GPR161: variants seen among roughly 807,000 people sequenced by gnomAD.
GPR161 encodes G-protein coupled receptor RE2.
A neutral mutation model predicts 39.2 loss-of-function variants in GPR161; 25 were observed. That is an observed-to-expected ratio of 0.64 (90% CI 0.47 to 0.89). GPR161 has a LOEUF of 0.89. Ranked by LOEUF, GPR161 falls within the 40% of genes least tolerant of loss-of-function variation. GPR161 has a pLI of 0.00. For missense variants in GPR161, 547 were observed against 677.8 expected, an observed-to-expected ratio of 0.81 and a Z score of 2.14; for synonymous variants, 286 against 276.6, an observed-to-expected ratio of 1.03 and a Z score of -0.34.
At position 168,085,223 on chromosome 1, in the gene GPR161, C is replaced by A; in HGVS notation, c.*308G>T. 1 of 460,736 alleles carries A rather than the reference C, an allele frequency of 2.2e-6. No homozygotes were observed. The highest frequency in any genetic ancestry group is 4.0e-6 in the Non-Finnish European group (1 of 249,014). 28.5% of individuals were successfully genotyped at this position (460,736 alleles called of 1,614,324 possible). On this transcript the variant is annotated 3_prime_UTR_variant, in exon 6 of 6. Transcript: ENST00000682931. Reference sequence around the variant, plus strand: ...CCTTCGTCTCTGGTCCTCCCATGCCCCACCTCCCAAAAAGCCACAGCCACA... The same window carrying A: ...CCTTCGTCTCTGGTCCTCCCATGCCACACCTCCCAAAAAGCCACAGCCACA...
intron 4 of GPR161, chr1:168,088,572 G>A (rs1381353312): frequency 6.6e-6 from 1 of 152,224 alleles, no homozygotes; most frequent in East Asian, 1.9e-4. Flanking sequence ...AGGATCACTG[G>A]CAGGTTATTT....
chr1:168,085,809 G>A lies in GPR161; in HGVS notation c.1325-13C>T, dbSNP rs1282516344. 6.2e-7 allele frequency: 1 copy of A among 1,601,746 alleles called. No individual in the cohort carries two copies. Among genetic ancestry groups the A allele is most frequent in the Non-Finnish European group, 8.5e-7 (1 of 1,171,520 alleles). On this transcript the variant is annotated splice_polypyrimidine_tract_variant and intron_variant, in intron 5 of 5. Coordinates refer to ENST00000682931, the MANE Select transcript of GPR161 (RefSeq NM_001375883.1). Reference sequence around the variant, plus strand: ...TTCTTGGCAGCTTCTGAGGGAGAAGGCAGAAAAAAAAGTCAGCTGAGGAGC... The same window carrying A: ...TTCTTGGCAGCTTCTGAGGGAGAAGACAGAAAAAAAAGTCAGCTGAGGAGC...
intron 4 of GPR161, 111 bp downstream of exon 4, chr1:168,090,453 G>A (rs1694945207): frequency 1.7e-6 from 1 of 583,412 alleles, no homozygotes; most frequent in Admixed American, 3.1e-5. Flanking sequence ...ACCCACCGTG[G>A]GAAATGCCCC....
intron 3 of GPR161, among the ~76,000 whole-genome samples, chr1:168,094,255 C>G (rs1695327559): frequency 6.6e-6 from 1 of 151,980 alleles, no homozygotes; most frequent in Non-Finnish European, 1.5e-5. Context: ...ATTTTAACTT[C>G]ATTGATCTAG....
rs796208020 is a variant in GPR161, at chr1:168,123,579, C to CACACACAT, written c.-45+13159_-45+13160insATGTGTGT. Among the ~76,000 whole-genome samples the CACACACAT allele has an allele frequency of 2.0e-3, 296 of 147,864 alleles. 1 individual carries two copies. The highest frequency in any genetic ancestry group is 3.5e-3 in the Middle Eastern group (1 of 286). ...ACACACACACACACACACACACACA[C>CACACACAT]TTGTTTGCATGGAAGCTGGAGTGGC... On this transcript the variant is annotated intron_variant, in intron 1 of 5. Coordinates refer to ENST00000682931, the MANE Select transcript of GPR161 (RefSeq NM_001375883.1).
In GPR161 at chr1:168,104,869, TG is replaced by T; in HGVS notation, c.-20del. On this transcript the variant is annotated 5_prime_UTR_variant, in exon 2 of 6. An upstream open reading frame in the 5' UTR loses its in-frame stop. Transcript: ENST00000682931. ...GGCTCATGGTCAGTGCACCTCGGCG[TG>T]GGGTGGGCAGAGCATGCTGGACGAC... 6.2e-7 allele frequency: 1 copy of T among 1,610,508 alleles called. No homozygotes were observed. The highest frequency in any genetic ancestry group is 8.5e-7 in the Non-Finnish European group (1 of 1,177,344).
At chr1:168,096,151 AAAAAAAAAAG>A (rs1436481051) in intron 3 of GPR161, among the ~76,000 whole-genome samples, 22 of 150,020 alleles carry the variant, frequency 1.5e-4, no homozygotes, top group African/African-American at 5.4e-4. Context: ...AAAAAAAAAA[AAAAAAAAAAG>A]AGAGAGAGAA....
chr1:168,090,788 A>C, intron 3 of GPR161, 120 bp from the exon 4 acceptor site: 2 of 532,766 alleles, frequency 3.8e-6, no homozygotes, highest in South Asian at 2.6e-5. Flanking sequence ...CTCACTCTCA[A>C]CTCCCTGAAA....
intron 5 of GPR161, among the ~76,000 whole-genome samples, chr1:168,087,334 G>GGTGT (rs142900649): frequency 0.011 from 1,692 of 148,762 alleles, 30 homozygotes; most frequent in African/African-American, 0.037. Context: ...AACACGTGTG[G>GGTGT]GTGTGTGTGT....
intron 1 of GPR161, chr1:168,136,264 T>C: frequency 7.1e-7 from 1 of 1,417,194 alleles, no homozygotes; most frequent in Non-Finnish European, 9.2e-7. Context: ...CACCTGGTCC[T>C]CACGGATTCC....
intron 1 of GPR161, among the ~76,000 whole-genome samples, chr1:168,120,022 T>TA (rs1698036236): frequency 6.6e-6 from 1 of 152,188 alleles, no homozygotes; most frequent in South Asian, 2.1e-4. Context: ...CCCCACACGC[T>TA]AGGGGCACTG....
At chr1:168,089,826 C>T (rs1694882396) in intron 4 of GPR161, among the ~76,000 whole-genome samples, 1 of 152,226 alleles carries the variant, frequency 6.6e-6, no homozygotes, top group South Asian at 2.1e-4. Flanking sequence ...TGCAGCTCCC[C>T]ACCTCCCCGG....
chr1:168,136,813 C>G lies in GPR161; in HGVS notation c.-119G>C. On this transcript the variant is annotated 5_prime_UTR_variant, in exon 1 of 6. Coordinates refer to ENST00000682931, the MANE Select transcript of GPR161 (RefSeq NM_001375883.1). Reference sequence around the variant, plus strand: ...GCCTCGGCCACCGCCGCCGCCGCTTCCTTCCTCCCCGCCGCGCTCCGGGAC... The same window carrying G: ...GCCTCGGCCACCGCCGCCGCCGCTTGCTTCCTCCCCGCCGCGCTCCGGGAC... The G allele has an allele frequency of 1.0e-6, 1 of 985,354 alleles. No homozygotes were observed. Among genetic ancestry groups the G allele is most frequent in the Non-Finnish European group, 1.2e-6 (1 of 830,188 alleles). 61.0% of individuals were successfully genotyped at this position (985,354 alleles called of 1,614,324 possible).
intron 1 of GPR161, among the ~76,000 whole-genome samples, chr1:168,131,485 G>T (rs896641507): frequency 8.7e-5 from 13 of 150,198 alleles, no homozygotes; most frequent in African/African-American, 2.5e-4. Context: ...TTAAGACTTG[G>T]TTAAAAAAAG....
intron 1 of GPR161, among the ~76,000 whole-genome samples, chr1:168,127,704 A>T (rs1283429326): frequency 6.6e-6 from 1 of 152,016 alleles, no homozygotes; most frequent in Non-Finnish European, 1.5e-5. Context: ...ATCTCATGAG[A>T]CTCATGCACT....
intron 1 of GPR161, chr1:168,118,515 T>G (rs1489351717): frequency 6.6e-6 from 1 of 152,186 alleles, no homozygotes; most frequent in Non-Finnish European, 1.5e-5. Flanking sequence ...ACAATGTACG[T>G]TACTCCAGTG....
rs1007979269 is a variant in GPR161, at chr1:168,080,466, G to T, written c.*5065C>A. On this transcript the variant is annotated 3_prime_UTR_variant, in exon 6 of 6. Coordinates refer to ENST00000682931, the MANE Select transcript of GPR161 (RefSeq NM_001375883.1). The stretch of plus-strand genomic sequence containing the variant: ...CAGTATGGCTCTGCTCCTTCTTATA[G>T]GCATATATGGCTAATCACAGCCATT... The T allele has an allele frequency of 4.6e-5, 7 of 152,196 alleles. No individual in the cohort carries two copies. Among genetic ancestry groups the T allele is most frequent in the African/African-American group, 1.7e-4 (7 of 41,430 alleles). 9.4% of individuals were successfully genotyped at this position (152,196 alleles called of 1,614,324 possible).
Position 168,090,746 on chromosome 1 carries a change from C to G in GPR161, c.1100-78G>C, listed in dbSNP as rs146869150. The stretch of plus-strand genomic sequence containing the variant: ...CCCAGCCTCCGTTTCCCCACAGACC[C>G]ATCTCCTGCCCTTCTGTTCGCCCTT... On this transcript the variant is annotated intron_variant, in intron 3 of 5. Transcript: ENST00000682931. 1,238 of 654,436 alleles carry G rather than the reference C, an allele frequency of 1.9e-3. 10 individuals carry two copies. The highest frequency in any genetic ancestry group is 0.015 in the East Asian group (537 of 35,510). The allele number at this position is 654,436 out of a possible 1,614,324, so 40.5% of individuals were successfully genotyped here.
At position 168,085,721 on chromosome 1, in the gene GPR161, G is replaced by C. The variant is rs1694425660; in HGVS notation, c.1400C>G (p.Ala467Gly). 1.2e-6 allele frequency: 2 copies of C among 1,614,188 alleles called. No individual in the cohort carries two copies. Among genetic ancestry groups the C allele is most frequent in the Non-Finnish European group, 1.7e-6 (2 of 1,179,986 alleles). ...TTTGGCTTCGGCCTCAATGGCTTTG[G>C]CCAAGCTTGCTGCGTAACTGTCCAA... ...KSLDSYAASL[A>G]KAIEAEAKIN... The change falls in exon 6 of 6, where the codon GCC becomes GGC. Residue 467 changes from alanine to glycine, a missense_variant. Physicochemically the swap from Ala to Gly is moderately conservative, Grantham distance 60. Transcript: ENST00000682931.
Sources: allele counts gnomAD v4.1 joint callset (sites outside exome capture counted in the v4.1 genomes callset), GRCh38; gene constraint gnomAD v4.1.1; transcripts MANE v1.5; gene names NCBI Gene and HGNC (gene_info 2026-07-23, HGNC 2026-07-21).